The following MEGF11 variants were observed in gnomAD, a reference collection of about 807,000 sequenced individuals.
MEGF11 encodes multiple EGF like domains 11, also known as multiple epidermal growth factor-like domains protein 11.
MEGF11 carries 126 observed loss-of-function variants against 146.6 expected under a neutral mutation model. That is an observed-to-expected ratio of 0.86 (90% CI 0.74 to 1.00). The LOEUF (loss-of-function observed/expected upper bound fraction) is 1.00. Among genes scored for constraint, MEGF11 ranks in the 50% least tolerant of loss-of-function variants. The pLI is 0.00. For synonymous variants in MEGF11, 532 were observed against 583.4 expected (o/e 0.91, Z 1.27); for missense variants, 1,509 against 1,521.2 (o/e 0.99, Z 0.13).
chr15:65,902,811 A>G (rs898236663), intron 24 of MEGF11, among the ~76,000 whole-genome samples: 2 of 152,212 alleles, frequency 1.3e-5, no homozygotes, highest in African/African-American at 4.8e-5. Flanking sequence ...TGTCAGAGAC[A>G]GAGGGGGCTT....
chr15:66,220,705 T>A (rs1281773758), intron 1 of MEGF11, among the ~76,000 whole-genome samples: 2 of 152,000 alleles, frequency 1.3e-5, no homozygotes, highest in Non-Finnish European at 2.9e-5. Flanking sequence ...GCCTGGCTAA[T>A]TTTTTAATTT....
intron 7 of MEGF11, among the ~76,000 whole-genome samples, chr15:65,980,290 A>G (rs548861049): frequency 8.5e-5 from 13 of 152,208 alleles, no homozygotes; most frequent in African/African-American, 3.1e-4. Context: ...TAGAGATGGC[A>G]GACCTGGGAT....
At chr15:66,015,550 T>C (rs80121815) in intron 5 of MEGF11, among the ~76,000 whole-genome samples, 2,598 of 152,250 alleles carry the variant, frequency 0.017, 71 homozygotes, top group African/African-American at 0.058. Context: ...ATAAAAGTTA[T>C]AGTATCATGG....
intron 1 of MEGF11, among the ~76,000 whole-genome samples, chr15:66,141,236 GT>G (rs1567261077): frequency 0.044 from 2,560 of 57,680 alleles, 31 homozygotes; most frequent in African/African-American, 0.096. Flanking sequence ...ACTCAGGGGT[GT>G]GTGTGTGTGT....
At chr15:66,237,170 C>T (rs2092112432) in intron 1 of MEGF11, among the ~76,000 whole-genome samples, 1 of 152,192 alleles carries the variant, frequency 6.6e-6, no homozygotes, top group South Asian at 2.1e-4. Flanking sequence ...AAGTCCAGCG[C>T]TCTCGTGATT....
intron 1 of MEGF11, among the ~76,000 whole-genome samples, chr15:66,211,257 C>T (rs566607809): frequency 3.9e-5 from 6 of 152,232 alleles, no homozygotes; most frequent in Non-Finnish European, 5.9e-5. Flanking sequence ...GGCTTGGTGG[C>T]TCACGCCTGT....
chr15:66,198,810 C>T (rs1435609913), intron 1 of MEGF11, among the ~76,000 whole-genome samples: 2 of 152,136 alleles, frequency 1.3e-5, no homozygotes, highest in African/African-American at 2.4e-5. Context: ...GACTGTGTCT[C>T]ACTATGTGGC....
chr15:66,122,208 G>A (rs914040219), intron 3 of MEGF11, among the ~76,000 whole-genome samples: 1 of 150,854 alleles, frequency 6.6e-6, no homozygotes, highest in African/African-American at 2.4e-5. Context: ...CGATTGCAGT[G>A]AACTGAGATC....
chr15:66,085,141 C>G (rs564990031), intron 5 of MEGF11, among the ~76,000 whole-genome samples: 81 of 152,220 alleles, frequency 5.3e-4, no homozygotes, highest in African/African-American at 1.9e-3. Flanking sequence ...CTGGGAACCT[C>G]GCTCCCATCC....
intron 24 of MEGF11, among the ~76,000 whole-genome samples, chr15:65,900,724 CTG>C (rs1293663743): frequency 6.6e-6 from 1 of 152,328 alleles, no homozygotes. Flanking sequence ...AGAGCAAACT[CTG>C]TAGAACCAGG....
At chr15:66,020,386 T>G (rs2083068990) in intron 5 of MEGF11, among the ~76,000 whole-genome samples, 1 of 152,136 alleles carries the variant, frequency 6.6e-6, no homozygotes, top group Non-Finnish European at 1.5e-5. Context: ...CGAGGCAAGG[T>G]GCAGACAGAT....
At chr15:65,924,255 C>T (rs1486479837) in intron 13 of MEGF11, among the ~76,000 whole-genome samples, 1 of 149,858 alleles carries the variant, frequency 6.7e-6, no homozygotes, top group Non-Finnish European at 1.5e-5. Flanking sequence ...TCCTCCTGTT[C>T]CTCAGTCTAG....
intron 5 of MEGF11, among the ~76,000 whole-genome samples, chr15:66,071,896 G>A (rs1340574343): frequency 2.0e-5 from 3 of 152,070 alleles, no homozygotes; most frequent in South Asian, 4.2e-4. Context: ...TAGGACACAC[G>A]TGCCCACCCA....
chr15:66,159,941 G>A (rs1309068437), intron 1 of MEGF11, among the ~76,000 whole-genome samples: 2 of 152,130 alleles, frequency 1.3e-5, no homozygotes. Context: ...TCTAGATCAG[G>A]AAAAGGCAGG....
rs1002481249 is a variant in MEGF11 at position 66,223,488 on chromosome 15, C to A, written c.-9+30117G>T. 3.9e-5 allele frequency among the ~76,000 whole-genome samples: 6 copies of A among 152,138 alleles called. No individual in the cohort carries two copies. The East Asian group carries it at 1.2e-3, about 29-fold the overall frequency. ...TTGTACACTTTAAAATAGTGAATTG[C>A]GAGATGGGTGGATCACTTGAGGCCA... is the stretch of plus-strand genomic sequence containing the variant. On this transcript the variant is annotated intron_variant, in intron 1 of 25. Transcript: ENST00000395614.
chr15:65,959,359 G>A (rs1420878018), intron 9 of MEGF11, among the ~76,000 whole-genome samples: 1 of 152,188 alleles, frequency 6.6e-6, no homozygotes, highest in Non-Finnish European at 1.5e-5. Flanking sequence ...GGGGTGGACA[G>A]GAACAGGCAA....
intron 1 of MEGF11, among the ~76,000 whole-genome samples, chr15:66,224,627 ATAT>A (rs908966840): frequency 1.8e-4 from 22 of 120,776 alleles, no homozygotes; most frequent in African/African-American, 5.7e-4. Context: ...TATATATTAT[ATAT>A]TATTACTTAT....
At chr15:66,001,157 A>C (rs899975586) in intron 5 of MEGF11, among the ~76,000 whole-genome samples, 1 of 152,174 alleles carries the variant, frequency 6.6e-6, no homozygotes, top group Non-Finnish European at 1.5e-5. Context: ...AGTGTGTGCC[A>C]GTAAGTGCAT....
intron 1 of MEGF11, among the ~76,000 whole-genome samples, chr15:66,168,955 TC>T (rs1456529090): frequency 2.6e-5 from 4 of 152,198 alleles, no homozygotes; most frequent in South Asian, 2.1e-4. Context: ...GCCATTGCAC[TC>T]CAGCCTGGGT....
Sources: allele counts gnomAD v4.1 joint callset (sites outside exome capture counted in the v4.1 genomes callset), GRCh38; gene constraint gnomAD v4.1.1; transcripts MANE v1.5; gene names NCBI Gene and HGNC (gene_info 2026-07-23, HGNC 2026-07-21).